Variants in NUP210L observed in about 807,000 individuals in gnomAD.
NUP210L encodes nucleoporin 210 like.
A neutral mutation model predicts 208.5 loss-of-function variants in NUP210L; 74 were observed. The ratio of observed to expected loss-of-function variants is 0.35; its 90% CI spans 0.29 to 0.43. NUP210L has a LOEUF of 0.43. NUP210L is among the 20% of genes least tolerant of loss of function. The pLI is 1.00. For missense variants in NUP210L, 1,843 were observed against 2,289.4 expected (o/e 0.81, Z 3.98); for synonymous variants, 780 against 816.9 (o/e 0.95, Z 0.77).
At chr1:154,070,719 G>A (rs190148318) in intron 16 of NUP210L, among the ~76,000 whole-genome samples, 2 of 151,748 alleles carry the variant, frequency 1.3e-5, no homozygotes, top group East Asian at 3.9e-4. Flanking sequence ...TCCATATATG[G>A]CTGTTATTTT....
At chr1:154,143,238 C>A in intron 3 of NUP210L, among the ~76,000 whole-genome samples, 1 of 150,396 alleles carries the variant, frequency 6.6e-6, no homozygotes, top group African/African-American at 2.4e-5. Context: ...TCTGAGATAA[C>A]TAACAATAGC....
At chr1:154,120,211 C>A (rs865923842) in intron 10 of NUP210L, among the ~76,000 whole-genome samples, 3 of 152,166 alleles carry the variant, frequency 2.0e-5, no homozygotes, top group Non-Finnish European at 4.4e-5. Flanking sequence ...AGTGTCTGTT[C>A]ACATCCTTCA....
chr1:154,057,179 G>C (rs1653913799), intron 22 of NUP210L, among the ~76,000 whole-genome samples: 1 of 151,892 alleles, frequency 6.6e-6, no homozygotes, highest in African/African-American at 2.4e-5. Flanking sequence ...GGGTCTCACT[G>C]TGTTGCCCAG....
At chr1:154,101,061 A>C (rs1431429376) in intron 13 of NUP210L, among the ~76,000 whole-genome samples, 1 of 150,378 alleles carries the variant, frequency 6.6e-6, no homozygotes, top group Non-Finnish European at 1.5e-5. Flanking sequence ...AATCCCAGCT[A>C]CTCAGGAGGC....
chr1:154,145,946 G>A (rs566515771), intron 2 of NUP210L, among the ~76,000 whole-genome samples: 2 of 152,194 alleles, frequency 1.3e-5, no homozygotes, highest in Admixed American at 6.6e-5. Context: ...TGTTGAGATG[G>A]AGTCTTGCTA....
intron 1 of NUP210L, among the ~76,000 whole-genome samples, chr1:154,153,913 C>T (rs1016274603): frequency 9.9e-5 from 15 of 152,126 alleles, no homozygotes; most frequent in Admixed American, 5.2e-4. Context: ...CGGAACAAAC[C>T]TCATTGCTTC....
chr1:154,087,214 G>A (rs751879606), intron 16 of NUP210L, among the ~76,000 whole-genome samples: 1 of 151,860 alleles, frequency 6.6e-6, no homozygotes. Flanking sequence ...TAGCTACTCA[G>A]GAGGATGAGG....
At position 154,070,472 on chromosome 1, in the gene NUP210L, TA is replaced by T. The variant is rs986684168; in HGVS notation, c.2362-8del. 1 of 1,521,434 alleles carries T rather than the reference TA, an allele frequency of 6.6e-7. No homozygotes were observed. Among genetic ancestry groups the T allele is most frequent in the Non-Finnish European group, 8.8e-7 (1 of 1,134,120 alleles). The allele number at this position is 1,521,434 out of a possible 1,614,324, so 94.2% of individuals were successfully genotyped here. ...TCAGTCTTGATACAGGAATCTGCATTAAAATAAAAAGTAATAAAACAACAAT... is the reference window on the plus strand; with the variant it reads ...TCAGTCTTGATACAGGAATCTGCATTAAATAAAAAGTAATAAAACAACAAT... On this transcript the variant is annotated splice_region_variant and splice_polypyrimidine_tract_variant and intron_variant, in intron 16 of 39. Coordinates refer to ENST00000368559, the Ensembl canonical transcript of NUP210L.
intron 27 of NUP210L, among the ~76,000 whole-genome samples, chr1:154,031,984 C>A (rs1452415176): frequency 2.0e-5 from 3 of 152,138 alleles, no homozygotes; most frequent in Non-Finnish European, 2.9e-5. Flanking sequence ...CCCACCTTGG[C>A]CTTCCAAAGT....
At chr1:154,008,835 A>G (rs1650727959) in intron 35 of NUP210L, among the ~76,000 whole-genome samples, 1 of 152,170 alleles carries the variant, frequency 6.6e-6, no homozygotes, top group Admixed American at 6.6e-5. Context: ...GTGGTTGCTC[A>G]TGACCCAAAC....
chr1:154,093,592 T>C (rs1022637876), intron 15 of NUP210L, among the ~76,000 whole-genome samples: 1 of 152,174 alleles, frequency 6.6e-6, no homozygotes, highest in Non-Finnish European at 1.5e-5. Context: ...CACTCTAGCC[T>C]GGGCAGCAGT....
chr1:154,085,349 C>CA (rs969499907), intron 16 of NUP210L, among the ~76,000 whole-genome samples: 7 of 148,330 alleles, frequency 4.7e-5, no homozygotes, highest in East Asian at 2.0e-4. Flanking sequence ...GACTCCATCT[C>CA]AAAAAAAATA....
At chr1:154,126,597 C>T (rs951058033) in intron 9 of NUP210L, 134 bp from the exon 10 acceptor site, 1 of 641,522 alleles carries the variant, frequency 1.6e-6, no homozygotes, top group Non-Finnish European at 2.5e-6. Flanking sequence ...CTTTTGCTCT[C>T]CCTCATAGAA....
chr1:154,006,962 ATATATTTTT>A (rs1467588431), intron 35 of NUP210L, among the ~76,000 whole-genome samples: 1 of 116,036 alleles, frequency 8.6e-6, no homozygotes, highest in Non-Finnish European at 1.8e-5. Flanking sequence ...ATATATATAT[ATATATTTTT>A]TTTTTTTTTT....
At chr1:154,141,548 C>G (rs147562344) in intron 3 of NUP210L, 24 bp from the exon 4 acceptor site, 1 of 1,353,954 alleles carries the variant, frequency 7.4e-7, no homozygotes, top group East Asian at 2.3e-5. Context: ...CAAAAGCAGA[C>G]AAGATAGGAT....
chr1:154,152,659 T>A, intron 2 of NUP210L, 77 bp downstream of exon 2: 1 of 1,293,516 alleles, frequency 7.7e-7, no homozygotes, highest in Non-Finnish European at 1.1e-6. Flanking sequence ...ACACCATTTG[T>A]GTTAACTATC....
chr1:154,026,578 C>T (rs912893408), intron 29 of NUP210L, among the ~76,000 whole-genome samples: 1 of 152,058 alleles, frequency 6.6e-6, no homozygotes, highest in Non-Finnish European at 1.5e-5. Flanking sequence ...GAACTCCCAA[C>T]CTCAGGTGAT....
At chr1:154,054,404 T>C in exon 25 of NUP210L, 2 of 1,613,912 alleles carry the variant, frequency 1.2e-6, no homozygotes, top group Non-Finnish European at 1.7e-6. Context: ...CCTTCAGACA[T>C]TACCTGGAAT....
intron 10 of NUP210L, among the ~76,000 whole-genome samples, chr1:154,125,449 C>G (rs1315023475): frequency 6.6e-6 from 1 of 150,680 alleles, no homozygotes. Context: ...GACTCTGCCT[C>G]GAAAAACTAA....
Sources: allele counts gnomAD v4.1 joint callset (sites outside exome capture counted in the v4.1 genomes callset), GRCh38; gene constraint gnomAD v4.1.1; transcripts MANE v1.5; gene names NCBI Gene and HGNC (gene_info 2026-07-23, HGNC 2026-07-21).